Variants in TAOK1 observed in about 807,000 individuals in gnomAD.
TAOK1 encodes the protein serine/threonine-protein kinase TAO1.
TAOK1 carries 21 observed loss-of-function variants against 138.3 expected under a neutral mutation model. The ratio of observed to expected loss-of-function variants is 0.15; its 90% CI spans 0.11 to 0.22. The LOEUF (loss-of-function observed/expected upper bound fraction) is 0.22. Ranked by LOEUF, TAOK1 falls within the 10% of genes least tolerant of loss-of-function variation. TAOK1 has a pLI of 1.00. For missense variants in TAOK1, 651 were observed against 1,227.7 expected (o/e 0.53, Z 7.02); for synonymous variants, 361 against 398.4 (o/e 0.91, Z 1.12).
chr17:29,431,803 ATT>A (rs71360705), intron 1 of TAOK1, among the ~76,000 whole-genome samples: 19 of 113,008 alleles, frequency 1.7e-4, no homozygotes, highest in Admixed American at 2.0e-4. Context: ...TGCCTGGCTA[ATT>A]TTTTTTTTTT....
Position 29,544,659 on chromosome 17 carries a change from G to A in TAOK1, c.*1637G>A, listed in dbSNP as rs959922178. 2.6e-5 allele frequency: 4 copies of A among 152,200 alleles called. No homozygotes were observed. The highest frequency in any genetic ancestry group is 4.4e-5 in the Non-Finnish European group (3 of 68,038). The allele number at this position is 152,200 out of a possible 1,614,324, so 9.4% of individuals were successfully genotyped here. A position where few individuals can be genotyped will look rare whatever the true frequency, so the allele number is the denominator to read the frequency against. On this transcript the variant is annotated 3_prime_UTR_variant, in exon 20 of 20. Coordinates refer to ENST00000261716, the MANE Select transcript of TAOK1 (RefSeq NM_020791.4). ...GTTTTCCATTTCTTGTATATAAATTGTGTTGGAGGTGGGTAGGAAGCTGTG... is the reference window on the plus strand; with the variant it reads ...GTTTTCCATTTCTTGTATATAAATTATGTTGGAGGTGGGTAGGAAGCTGTG...
chr17:29,474,488 C>G (rs2030898321), intron 3 of TAOK1, among the ~76,000 whole-genome samples: 1 of 152,094 alleles, frequency 6.6e-6, no homozygotes, highest in Non-Finnish European at 1.5e-5. Flanking sequence ...TTAGGGGTCA[C>G]TGTGGGGTTA....
intron 17 of TAOK1, 44 bp downstream of exon 17, chr17:29,522,563 A>G (rs1428939406): frequency 1.1e-5 from 18 of 1,608,160 alleles, no homozygotes; most frequent in Non-Finnish European, 1.4e-5. Context: ...GGAGAATGAA[A>G]AGGTATCCAT....
At chr17:29,407,066 G>T (rs1258029204) in intron 1 of TAOK1, among the ~76,000 whole-genome samples, 2 of 152,102 alleles carry the variant, frequency 1.3e-5, no homozygotes, top group African/African-American at 4.8e-5. Context: ...CCAGGCAGGA[G>T]GGTAGTGGTG....
intron 1 of TAOK1, among the ~76,000 whole-genome samples, chr17:29,418,260 T>G (rs1268128873): frequency 6.6e-6 from 1 of 152,220 alleles, no homozygotes; most frequent in East Asian, 1.9e-4. Context: ...TATAGCTCAC[T>G]GAAACCTCAG....
intron 2 of TAOK1, among the ~76,000 whole-genome samples, chr17:29,459,304 C>T (rs556103718): frequency 6.6e-6 from 1 of 151,918 alleles, no homozygotes; most frequent in Non-Finnish European, 1.5e-5. Context: ...ATTTGTTGCT[C>T]TCTGGTAATT....
chr17:29,482,390 A>C lies in TAOK1; in HGVS notation c.655+102A>C, dbSNP rs1285417689. On this transcript the variant is annotated intron_variant, in intron 8 of 19. Coordinates refer to ENST00000261716, the MANE Select transcript of TAOK1 (RefSeq NM_020791.4). ...ATTATAGATTTTTATCTTAAATGTC[A>C]CTTTATAAGGGGGGCAATACATTTA... 4.3e-6 allele frequency: 4 copies of C among 928,498 alleles called. No homozygotes were observed. The East Asian group carries it at 7.9e-5, about 18-fold the overall frequency. The allele number at this position is 928,498 out of a possible 1,614,324, so 57.5% of individuals were successfully genotyped here.
intron 2 of TAOK1, among the ~76,000 whole-genome samples, chr17:29,458,486 G>GT (rs1244039312): frequency 6.6e-6 from 1 of 151,800 alleles, no homozygotes; most frequent in Non-Finnish European, 1.5e-5. Context: ...TTTCAATATG[G>GT]TTTTTTTTGT....
intron 10 of TAOK1, among the ~76,000 whole-genome samples, 166 bp from the exon 11 acceptor site, chr17:29,495,394 A>G (rs1195766980): frequency 6.6e-6 from 1 of 152,218 alleles, no homozygotes; most frequent in African/African-American, 2.4e-5. Context: ...TGCACAGAGT[A>G]TATGTATGTA....
intron 13 of TAOK1, among the ~76,000 whole-genome samples, chr17:29,503,459 A>G (rs2153028805): frequency 6.6e-6 from 1 of 152,070 alleles, no homozygotes; most frequent in Middle Eastern, 3.4e-3. Context: ...GGCTCACCAG[A>G]AAGAGGGGAA....
At chr17:29,540,783 TG>T in intron 19 of TAOK1, among the ~76,000 whole-genome samples, 1 of 152,128 alleles carries the variant, frequency 6.6e-6, no homozygotes, top group Middle Eastern at 3.4e-3. Flanking sequence ...TTGGTCAGGC[TG>T]GTCTCGAACT....
At chr17:29,520,113 G>A (rs570110959) in intron 16 of TAOK1, among the ~76,000 whole-genome samples, 8 of 151,542 alleles carry the variant, frequency 5.3e-5, no homozygotes, top group African/African-American at 1.7e-4. Context: ...CCTGGGAGGC[G>A]GAGGTTGCAG....
intron 16 of TAOK1, among the ~76,000 whole-genome samples, chr17:29,521,235 C>A (rs2031910086): frequency 1.3e-5 from 2 of 152,076 alleles, no homozygotes; most frequent in African/African-American, 4.8e-5. Context: ...AGAGAGTCTG[C>A]AAAGGCAAAA....
At chr17:29,422,539 C>G (rs1355990110) in intron 1 of TAOK1, among the ~76,000 whole-genome samples, 1 of 152,212 alleles carries the variant, frequency 6.6e-6, no homozygotes, top group East Asian at 1.9e-4. Flanking sequence ...GAATGAACTT[C>G]GATAGTTTAT....
intron 17 of TAOK1, among the ~76,000 whole-genome samples, chr17:29,528,056 G>A (rs1298292056): frequency 6.6e-6 from 1 of 152,100 alleles, no homozygotes; most frequent in African/African-American, 2.4e-5. Flanking sequence ...TTGTGTGTGT[G>A]TGTGTGTTTT....
chr17:29,414,099 G>T (rs1406222188), intron 1 of TAOK1, among the ~76,000 whole-genome samples: 1 of 151,682 alleles, frequency 6.6e-6, no homozygotes, highest in Non-Finnish European at 1.5e-5. Flanking sequence ...TAGCCAGGAT[G>T]GTCTGAATCT....
chr17:29,448,118 A>G (rs1249006151), intron 1 of TAOK1, among the ~76,000 whole-genome samples: 1 of 150,994 alleles, frequency 6.6e-6, no homozygotes, highest in Non-Finnish European at 1.5e-5. Flanking sequence ...TTGCATGTAG[A>G]TCATAGATAA....
intron 1 of TAOK1, among the ~76,000 whole-genome samples, chr17:29,404,327 G>A (rs904332463): frequency 2.6e-5 from 4 of 151,902 alleles, no homozygotes; most frequent in South Asian, 2.1e-4. Context: ...CACACCCAGC[G>A]AATTTTTTGT....
At position 29,503,412 on chromosome 17, in the gene TAOK1, A is replaced by G. The variant is rs866938700; in HGVS notation, c.1338+689A>G. On this transcript the variant is annotated intron_variant, in intron 13 of 19. Coordinates refer to ENST00000261716, the MANE Select transcript of TAOK1 (RefSeq NM_020791.4). ...CTCTGTCTCAAAAAAAAAAAAAAAAAAAAAGAATGTGGACAGTAAGGAAAT... is the reference window on the plus strand; with the variant it reads ...CTCTGTCTCAAAAAAAAAAAAAAAAGAAAAGAATGTGGACAGTAAGGAAAT... 2.0e-5 allele frequency among the ~76,000 whole-genome samples: 3 copies of G among 151,590 alleles called. No individual in the cohort carries two copies. In the South Asian group the frequency reaches 6.2e-4, roughly 32 times the overall value.
Sources: gnomAD v4.1 joint callset for allele counts (sites outside exome capture counted in the v4.1 genomes callset) on GRCh38, gnomAD v4.1.1 for gene constraint, MANE v1.5 for transcripts, NCBI Gene and HGNC (gene_info 2026-07-23, HGNC 2026-07-21) for gene names.